Variants in ATP10D observed in about 807,000 individuals in gnomAD.
ATP10D encodes ATPase phospholipid transporting 10D (putative), also known as phospholipid-transporting ATPase VD.
ATP10D carries 89 observed loss-of-function variants against 144.8 expected under a neutral mutation model. That is an observed-to-expected ratio of 0.61 (90% CI 0.52 to 0.73). The LOEUF (loss-of-function observed/expected upper bound fraction) is 0.73. ATP10D is among the 30% of genes least tolerant of loss of function. The pLI is 0.00. For synonymous variants in ATP10D, 571 were observed against 615.1 expected (o/e 0.93, Z 1.06); for missense variants, 1,603 against 1,714.8 (o/e 0.93, Z 1.15).
intron 5 of ATP10D, among the ~76,000 whole-genome samples, chr4:47,526,660 G>C (rs1349930299): frequency 6.6e-6 from 1 of 152,090 alleles, no homozygotes; most frequent in African/African-American, 2.4e-5. Flanking sequence ...GAAATAATGA[G>C]TTTAGCAATG....
chr4:47,536,000 C>A lies in ATP10D; in HGVS notation c.982C>A (p.Leu328Ile). 6.2e-7 allele frequency: 1 copy of A among 1,612,922 alleles called. No individual in the cohort carries two copies. The highest frequency in any genetic ancestry group is 8.5e-7 in the Non-Finnish European group (1 of 1,179,210). ...CACAGATGTCCTCTGGTGTGTCATG[C>A]TTCTGGTCATAATGTGCTTAACTGG... ...ANTDVLWCVM[L>I]LVIMCLTGAV... is the part of the protein sequence containing the mutation. The change falls in exon 7 of 23, where the codon CTT becomes ATT. Residue 328 changes from leucine to isoleucine, a missense_variant. By Grantham distance (5) the Leu-to-Ile change is conservative. Coordinates refer to ENST00000273859, the MANE Select transcript of ATP10D (RefSeq NM_020453.4).
intron 1 of ATP10D, among the ~76,000 whole-genome samples, chr4:47,490,198 T>G (rs958537941): frequency 5.3e-5 from 8 of 152,226 alleles, no homozygotes; most frequent in Non-Finnish European, 1.2e-4. Flanking sequence ...TTAGTTAACA[T>G]TTTAAATTAT....
chr4:47,489,090 A>G (rs767638974), intron 1 of ATP10D, among the ~76,000 whole-genome samples: 5 of 152,218 alleles, frequency 3.3e-5, no homozygotes, highest in Non-Finnish European at 4.4e-5. Flanking sequence ...GAATACTGCT[A>G]TACAAATGAT....
intron 1 of ATP10D, among the ~76,000 whole-genome samples, chr4:47,490,802 C>T (rs1452983668): frequency 6.6e-6 from 1 of 152,210 alleles, no homozygotes; most frequent in African/African-American, 2.4e-5. Context: ...TAGGAAGTCT[C>T]TAATGATCCT....
At chr4:47,509,943 GGTGTGTGT>G (rs67386792) in intron 1 of ATP10D, among the ~76,000 whole-genome samples, 4,473 of 143,642 alleles carry the variant, frequency 0.031, 184 homozygotes, top group African/African-American at 0.097. Flanking sequence ...TTGTTTCAGG[GGTGTGTGT>G]GTGTGTGTGT....
chr4:47,563,612 G>A lies in ATP10D; in HGVS notation c.2700G>A (p.Glu900=). 11 of 1,612,466 alleles carry A rather than the reference G, an allele frequency of 6.8e-6. No homozygotes were observed. Among genetic ancestry groups the A allele is most frequent in the Non-Finnish European group, 8.5e-6 (10 of 1,179,492 alleles). Residue 900 remains glutamate, a synonymous_variant, in exon 15 of 23, where the codon GAG becomes GAA. Transcript: ENST00000273859. ...GATGIEDRLQ[E]GVPESIEALH... is the part of the protein sequence containing the mutation. ...CTGGCATTGAAGACCGTCTGCAGGA[G>A]GGAGTCCCTGAATCTATAGAAGCTC...
chr4:47,519,155 C>T (rs901652069), intron 3 of ATP10D, among the ~76,000 whole-genome samples: 1 of 152,110 alleles, frequency 6.6e-6, no homozygotes, highest in Non-Finnish European at 1.5e-5. Context: ...ATTCATAATC[C>T]TACCCTTTCT....
intron 16 of ATP10D, among the ~76,000 whole-genome samples, chr4:47,571,635 G>C (rs1719956625): frequency 6.6e-6 from 1 of 152,114 alleles, no homozygotes; most frequent in Non-Finnish European, 1.5e-5. Context: ...CCTGTGTTGG[G>C]GGAGACCAGT....
At chr4:47,505,957 T>A (rs1033936251) in intron 1 of ATP10D, among the ~76,000 whole-genome samples, 1 of 152,174 alleles carries the variant, frequency 6.6e-6, no homozygotes, top group Non-Finnish European at 1.5e-5. Flanking sequence ...TATCCTGTAT[T>A]TACCTTTGGT....
chr4:47,535,227 C>A (rs1002669052), intron 5 of ATP10D, among the ~76,000 whole-genome samples: 2 of 151,682 alleles, frequency 1.3e-5, no homozygotes, highest in African/African-American at 4.8e-5. Context: ...TGCTTATCAC[C>A]TGGGTAAAGA....
At chr4:47,543,588 A>G (rs996315320) in intron 9 of ATP10D, among the ~76,000 whole-genome samples, 2 of 152,192 alleles carry the variant, frequency 1.3e-5, no homozygotes, top group African/African-American at 2.4e-5. Context: ...GTGGAGAACC[A>G]CTGAGCCAAC....
rs138721414 is a variant in ATP10D, at chr4:47,565,112, C to A, written c.2853+1347C>A. 2.1e-3 allele frequency among the ~76,000 whole-genome samples: 320 copies of A among 152,308 alleles called. 3 individuals carry two copies. Among genetic ancestry groups the A allele is most frequent in the Middle Eastern group, 6.8e-3 (2 of 294 alleles). Reference sequence around the variant, plus strand: ...TAGCTGGGACTACAGGCTCCCGACACCACGCCCGGCTAATTTTTTGTGTAT... The same window carrying A: ...TAGCTGGGACTACAGGCTCCCGACAACACGCCCGGCTAATTTTTTGTGTAT... On this transcript the variant is annotated intron_variant, in intron 15 of 22. Transcript: ENST00000273859.
At chr4:47,550,581 G>C (rs938312723) in intron 10 of ATP10D, among the ~76,000 whole-genome samples, 1 of 151,980 alleles carries the variant, frequency 6.6e-6, no homozygotes, top group Non-Finnish European at 1.5e-5. Flanking sequence ...GGCAAGCCTC[G>C]TGTTCTCTGA....
intron 8 of ATP10D, 40 bp from the exon 9 acceptor site, chr4:47,536,646 A>G: frequency 6.3e-7 from 1 of 1,595,850 alleles, no homozygotes. Context: ...TCCTTTTTTA[A>G]CCTACGTTAA....
intron 14 of ATP10D, among the ~76,000 whole-genome samples, 197 bp downstream of exon 14, chr4:47,561,272 T>C (rs1250320043): frequency 6.6e-4 from 100 of 152,206 alleles, no homozygotes; most frequent in Admixed American, 6.5e-3. Context: ...TCACTTGTGA[T>C]GGGGTCAGGA....
At chr4:47,555,111 C>T (rs1318186165) in intron 11 of ATP10D, among the ~76,000 whole-genome samples, 197 bp downstream of exon 11, 1 of 152,190 alleles carries the variant, frequency 6.6e-6, no homozygotes, top group Non-Finnish European at 1.5e-5. Flanking sequence ...GGTTGCAGAC[C>T]GGTAACAGTC....
intron 12 of ATP10D, 100 bp downstream of exon 12, chr4:47,558,373 G>A: frequency 1.4e-6 from 2 of 1,452,714 alleles, no homozygotes; most frequent in Non-Finnish European, 1.8e-6. Context: ...AGCTATCTGG[G>A]GACTAATCAC....
rs572213170 is a variant in ATP10D at position 47,577,274 on chromosome 4, C to T, written c.3567+301C>T. ...ATTGTGCTAACTACTTAACATCCCC[C>T]GTCTGATTTATCTTCATGAAAACAC... On this transcript the variant is annotated intron_variant, in intron 19 of 22. Transcript: ENST00000273859. Among the ~76,000 whole-genome samples the T allele has an allele frequency of 2.3e-3, 356 of 152,274 alleles. 2 individuals carry two copies. The highest frequency in any genetic ancestry group is 8.0e-3 in the African/African-American group (333 of 41,556).
chr4:47,485,534 G>A lies in ATP10D; in HGVS notation c.-38+15G>A, dbSNP rs1714700091. 1 of 152,098 alleles carries A rather than the reference G, an allele frequency of 6.6e-6. No individual in the cohort carries two copies. Among genetic ancestry groups the A allele is most frequent in the Non-Finnish European group, 1.5e-5 (1 of 68,044 alleles). 9.4% of individuals were successfully genotyped at this position (152,098 alleles called of 1,614,324 possible). ...GGGAGGAATTGGTAAGAGTGAGACGGCGAATCCCTCTGACTGTCCCAGCCT... is the reference window on the plus strand; with the variant it reads ...GGGAGGAATTGGTAAGAGTGAGACGACGAATCCCTCTGACTGTCCCAGCCT... On this transcript the variant is annotated intron_variant, in intron 1 of 22. Coordinates refer to ENST00000273859, the MANE Select transcript of ATP10D (RefSeq NM_020453.4).
Sources: gnomAD v4.1 joint callset for allele counts (sites outside exome capture counted in the v4.1 genomes callset) on GRCh38, gnomAD v4.1.1 for gene constraint, MANE v1.5 for transcripts, NCBI Gene and HGNC (gene_info 2026-07-23, HGNC 2026-07-21) for gene names.